UBE2D3: variants seen among roughly 807,000 people sequenced by gnomAD.
UBE2D3 encodes ubiquitin conjugating enzyme E2 D3.
In UBE2D3, 2 loss-of-function variants were observed where a neutral mutation model predicts 22.8. The observed-to-expected ratio is 0.09, with a 90% CI of 0.04 to 0.28. The LOEUF is 0.28. Among genes scored for constraint, UBE2D3 ranks in the 10% least tolerant of loss-of-function variants. The pLI, the probability that UBE2D3 is intolerant of heterozygous loss-of-function variation, is 1.00. For missense variants in UBE2D3, 27 were observed against 182.5 expected (o/e 0.15, Z 4.91); for synonymous variants, 56 against 60.4 (o/e 0.93, Z 0.34).
At chr4:102,834,186 T>C (rs1387670864) in intron 1 of UBE2D3, among the ~76,000 whole-genome samples, 1 of 152,198 alleles carries the variant, frequency 6.6e-6, no homozygotes, top group African/African-American at 2.4e-5. Flanking sequence ...GCTTTCTTTT[T>C]CCCCCTTTTC....
intron 1 of UBE2D3, among the ~76,000 whole-genome samples, chr4:102,849,537 C>G (rs1732237035): frequency 6.6e-6 from 1 of 151,942 alleles, no homozygotes; most frequent in South Asian, 2.1e-4. Context: ...TCCTAAAAAT[C>G]AGTAAGAAAA....
chr4:102,823,174 CA>C (rs1399216714), intron 2 of UBE2D3, among the ~76,000 whole-genome samples: 5 of 151,878 alleles, frequency 3.3e-5, no homozygotes, highest in Non-Finnish European at 7.4e-5. Flanking sequence ...ATACTATATG[CA>C]AAAGTAAACC....
chr4:102,863,903 T>C (rs1475110335), intron 1 of UBE2D3, among the ~76,000 whole-genome samples: 2 of 152,194 alleles, frequency 1.3e-5, no homozygotes, highest in Non-Finnish European at 2.9e-5. Context: ...AGTAACAATC[T>C]TACATACTCA....
chr4:102,807,357 G>A (rs752244140), intron 4 of UBE2D3, among the ~76,000 whole-genome samples: 13 of 152,144 alleles, frequency 8.5e-5, no homozygotes, highest in African/African-American at 2.4e-4. Context: ...TAAGCATATA[G>A]TTAACTATTT....
At chr4:102,853,349 A>T (rs1732469500) in intron 1 of UBE2D3, among the ~76,000 whole-genome samples, 1 of 129,638 alleles carries the variant, frequency 7.7e-6, no homozygotes, top group Non-Finnish European at 1.6e-5. Flanking sequence ...TATCCAGCAG[A>T]TATCTTGAAC....
rs929527087 is a variant in UBE2D3 at position 102,795,049 on chromosome 4, G to A, written c.*2366C>T. ...TTTCATTGTACATATCTCATGTCCAGTGTCCATACATTCAAAAATGTTGGT... is the reference window on the plus strand; with the variant it reads ...TTTCATTGTACATATCTCATGTCCAATGTCCATACATTCAAAAATGTTGGT... On this transcript the variant is annotated 3_prime_UTR_variant, in exon 8 of 8. Coordinates refer to ENST00000453744, the MANE Select transcript of UBE2D3 (RefSeq NM_181891.3). 6.6e-6 allele frequency: 1 copy of A among 152,056 alleles called. No homozygotes were observed. The highest frequency in any genetic ancestry group is 1.5e-5 in the Non-Finnish European group (1 of 67,942). 9.4% of individuals were successfully genotyped at this position (152,056 alleles called of 1,614,324 possible). A position where few individuals can be genotyped will look rare whatever the true frequency, so the allele number is the denominator to read the frequency against.
At chr4:102,812,775 A>G (rs1426051639) in intron 2 of UBE2D3, 5 of 152,226 alleles carry the variant, frequency 3.3e-5, no homozygotes, top group African/African-American at 4.8e-5. Flanking sequence ...GAGACTACAT[A>G]AAGTGTTTTT....
In UBE2D3 at chr4:102,795,127, TC is replaced by T. The variant is rs1297976231; in HGVS notation, c.*2287del. Reference sequence around the variant, plus strand: ...ACCTGGAGAAGCCTCTATGGCTTATTCCCTTAGAAGCAACAAATGAAATGAT... The same window carrying T: ...ACCTGGAGAAGCCTCTATGGCTTATTCCTTAGAAGCAACAAATGAAATGAT... On this transcript the variant is annotated 3_prime_UTR_variant, in exon 8 of 8. Coordinates refer to ENST00000453744, the MANE Select transcript of UBE2D3 (RefSeq NM_181891.3). 1 of 152,052 alleles carries T rather than the reference TC, an allele frequency of 6.6e-6. No individual in the cohort carries two copies. The highest frequency in any genetic ancestry group is 6.6e-5 in the Admixed American group (1 of 15,248). The allele number at this position is 152,052 out of a possible 1,614,324, so 9.4% of individuals were successfully genotyped here.
At chr4:102,858,942 C>T (rs951495974) in intron 1 of UBE2D3, among the ~76,000 whole-genome samples, 7 of 151,918 alleles carry the variant, frequency 4.6e-5, no homozygotes, top group African/African-American at 1.7e-4. Flanking sequence ...TTATGTATCA[C>T]CATTACATTA....
intron 2 of UBE2D3, chr4:102,825,089 A>C (rs1422190730): frequency 3.5e-6 from 1 of 284,222 alleles, no homozygotes; most frequent in African/African-American, 2.3e-5. Context: ...TCTTTCATGA[A>C]ACACCAATCT....
chr4:102,827,797 TG>T (rs575423884), upstream of UBE2D3: 13 of 980,432 alleles, frequency 1.3e-5, no homozygotes, highest in Non-Finnish European at 1.6e-5. Flanking sequence ...GATCATGAGC[TG>T]GGGGGAGGGT....
At chr4:102,855,784 C>T (rs1004403549) in intron 1 of UBE2D3, among the ~76,000 whole-genome samples, 2 of 152,086 alleles carry the variant, frequency 1.3e-5, no homozygotes, top group Non-Finnish European at 2.9e-5. Flanking sequence ...CATCAGTCAA[C>T]AAGATAGGTA....
At chr4:102,815,620 CT>C (rs1182746105) in intron 2 of UBE2D3, among the ~76,000 whole-genome samples, 2 of 152,110 alleles carry the variant, frequency 1.3e-5, no homozygotes, top group Non-Finnish European at 2.9e-5. Flanking sequence ...CATTATCATC[CT>C]TTTAGAGTGA....
At chr4:102,868,835 A>G in exon 1 of UBE2D3, 1 of 1,584,790 alleles carries the variant, frequency 6.3e-7, no homozygotes, top group African/African-American at 1.3e-5. Flanking sequence ...GGCCACCTTC[A>G]CACGAGATTC....
chr4:102,831,100 C>T (rs1048989441), upstream of UBE2D3, among the ~76,000 whole-genome samples: 5 of 152,040 alleles, frequency 3.3e-5, no homozygotes, highest in African/African-American at 1.2e-4. Context: ...TTATAACTTG[C>T]CAAAGACACT....
chr4:102,805,374 G>GT (rs1442382012), intron 4 of UBE2D3, among the ~76,000 whole-genome samples: 1 of 152,062 alleles, frequency 6.6e-6, no homozygotes, highest in East Asian at 1.9e-4. Context: ...GACTCAAATC[G>GT]TACAAGTCCA....
chr4:102,812,689 A>G (rs1258903446), intron 2 of UBE2D3: 1 of 152,218 alleles, frequency 6.6e-6, no homozygotes, highest in Non-Finnish European at 1.5e-5. Flanking sequence ...TGGAGCTGCT[A>G]TTTTTATTGG....
intron 2 of UBE2D3, among the ~76,000 whole-genome samples, chr4:102,817,965 G>T (rs1273056795): frequency 6.6e-6 from 1 of 152,156 alleles, no homozygotes; most frequent in Non-Finnish European, 1.5e-5. Flanking sequence ...TTACACAATT[G>T]AAATTTTCAG....
chr4:102,810,119 G>A (rs896365366), intron 2 of UBE2D3: 9 of 387,544 alleles, frequency 2.3e-5, no homozygotes, highest in African/African-American at 8.4e-5. Context: ...CTTACAAACC[G>A]AAATAGCTAT....
Sources: allele counts gnomAD v4.1 joint callset (sites outside exome capture counted in the v4.1 genomes callset), GRCh38; gene constraint gnomAD v4.1.1; transcripts MANE v1.5; gene names NCBI Gene and HGNC (gene_info 2026-07-23, HGNC 2026-07-21).